RCAN2: variants seen among roughly 807,000 people sequenced by gnomAD.
RCAN2 encodes regulator of calcineurin 2, also known as calcipressin-2.
A neutral mutation model predicts 23.6 loss-of-function variants in RCAN2; 9 were observed. The observed-to-expected ratio is 0.38, with a 90% confidence interval of 0.23 to 0.67. The LOEUF is 0.67. Among genes scored for constraint, RCAN2 ranks in the 30% least tolerant of loss-of-function variants. The pLI, the probability that RCAN2 is intolerant of heterozygous loss-of-function variation, is 0.51. For synonymous variants in RCAN2, 109 were observed against 115.7 expected (o/e 0.94, Z 0.37); for missense variants, 273 against 302.3 (o/e 0.90, Z 0.72).
rs1769145409 is a variant in RCAN2 at position 46,491,376 on chromosome 6, G to A, written c.-206C>T. 6.6e-6 allele frequency: 1 copy of A among 152,186 alleles called. No individual in the cohort carries two copies. Among genetic ancestry groups the A allele is most frequent in the Admixed American group, 6.6e-5 (1 of 15,250 alleles). The allele number at this position is 152,186 out of a possible 1,614,324, so 9.4% of individuals were successfully genotyped here. The stretch of plus-strand genomic sequence containing the variant: ...CCGCCTCCCTCTCTCTGCCGCCGTG[G>A]GTCAGTGGGATTCTGCCTGCTGCCC... On this transcript the variant is annotated 5_prime_UTR_variant, in exon 1 of 5. Transcript: ENST00000371374.
At position 46,246,873 on chromosome 6, in the gene RCAN2, G is replaced by A; in HGVS notation, c.446C>T (p.Pro149Leu). Residue 149 changes from proline to leucine, a missense_variant, in exon 4 of 5, where the codon CCC becomes CTC. By Grantham distance (98) the Pro-to-Leu change is moderately conservative. Coordinates refer to ENST00000371374, the MANE Select transcript of RCAN2 (RefSeq NM_001251974.2). ...TDGDKLHLAP[P>L]QPAKQFLISP... The stretch of plus-strand genomic sequence containing the variant: ...GATGAGAAACTGTTTGGCAGGCTGG[G>A]GTGGAGCCAAGTGCAGTTTGTCTCC... The A allele has an allele frequency of 6.2e-7, 1 of 1,606,334 alleles. No individual in the cohort carries two copies. The highest frequency in any genetic ancestry group is 1.1e-5 in the South Asian group (1 of 90,146).
chr6:46,253,762 C>T (rs1357179147), intron 2 of RCAN2, among the ~76,000 whole-genome samples: 1 of 152,088 alleles, frequency 6.6e-6, no homozygotes, highest in Admixed American at 6.6e-5. Context: ...GACTGCATAT[C>T]TGACTGTGGT....
Position 46,248,799 on chromosome 6 carries a change from T to G in RCAN2, c.323A>C (p.Lys108Thr), listed in dbSNP as rs1030361933. ...RRVRINFSNP[K>T]SAARARIELH... ...CTCTATCCTAGCTCGGGCTGCAGATTTAGGATTGCTGAAGTTTATACGGAC... is the reference window on the plus strand; with the variant it reads ...CTCTATCCTAGCTCGGGCTGCAGATGTAGGATTGCTGAAGTTTATACGGAC... The change falls in exon 3 of 5, where the codon AAA (lysine) becomes ACA (threonine). Residue 108 changes from lysine (K) to threonine (T), a missense_variant. Coordinates refer to ENST00000371374, the MANE Select transcript of RCAN2 (RefSeq NM_001251974.2). The G allele has an allele frequency of 6.2e-7, 1 of 1,613,442 alleles. No homozygotes were observed. Among genetic ancestry groups the G allele is most frequent in the Non-Finnish European group, 8.5e-7 (1 of 1,179,796 alleles).
chr6:46,353,785 G>C (rs1416300822), intron 2 of RCAN2, among the ~76,000 whole-genome samples: 1 of 152,196 alleles, frequency 6.6e-6, no homozygotes, highest in Non-Finnish European at 1.5e-5. Context: ...TTTATTTACA[G>C]AGAACAGCAG....
At chr6:46,242,995 A>G (rs530265400) in intron 4 of RCAN2, among the ~76,000 whole-genome samples, 53 of 152,348 alleles carry the variant, frequency 3.5e-4, no homozygotes, top group South Asian at 1.4e-3. Context: ...AGAAGTGAAG[A>G]TAGTAAGTTG....
rs1281636671 is a variant in RCAN2 at position 46,223,186 on chromosome 6, G to A, written c.687C>T (p.Ile229=). 1 of 1,613,898 alleles carries A rather than the reference G, an allele frequency of 6.2e-7. No individual in the cohort carries two copies. The highest frequency in any genetic ancestry group is 1.3e-5 in the African/African-American group (1 of 75,018). Residue 229 remains isoleucine, a synonymous_variant, in exon 5 of 5, where the codon ATC becomes ATT. Transcript: ENST00000371374. The part of the protein sequence containing the change: ...EDPKTSPKPK[I]IQTRRPGLPP... ...GCAGGCCAGGACGCCGAGTTTGGAT[G>A]ATTTTTGGCTTTGGGGAAGTCTTTG...
At chr6:46,340,495 C>T (rs1010207786) in intron 2 of RCAN2, among the ~76,000 whole-genome samples, 1 of 152,170 alleles carries the variant, frequency 6.6e-6, no homozygotes. Context: ...CTACTTTCAG[C>T]CATAAGAACT....
At chr6:46,282,456 GAC>G (rs1333770229) in intron 2 of RCAN2, among the ~76,000 whole-genome samples, 1 of 137,568 alleles carries the variant, frequency 7.3e-6, no homozygotes, top group Non-Finnish European at 1.5e-5. Context: ...CAGCCTGGGT[GAC>G]AGAGCAAGAC....
At chr6:46,438,955 G>A (rs1313431343) in intron 2 of RCAN2, among the ~76,000 whole-genome samples, 6 of 152,062 alleles carry the variant, frequency 3.9e-5, no homozygotes, top group Admixed American at 3.9e-4. Flanking sequence ...TCTTCTCTGG[G>A]TACTTATATT....
chr6:46,340,898 T>C (rs1225588822), intron 2 of RCAN2, among the ~76,000 whole-genome samples: 2 of 152,192 alleles, frequency 1.3e-5, no homozygotes, highest in Non-Finnish European at 1.5e-5. Flanking sequence ...AACTTTTCTT[T>C]TAAAGTTAAT....
At chr6:46,287,372 T>A (rs902556784) in intron 2 of RCAN2, among the ~76,000 whole-genome samples, 2 of 152,234 alleles carry the variant, frequency 1.3e-5, no homozygotes, top group Non-Finnish European at 2.9e-5. Flanking sequence ...GACACTGTGC[T>A]GGGCACTTTG....
chr6:46,334,512 G>A (rs1415352916), intron 2 of RCAN2, among the ~76,000 whole-genome samples: 1 of 152,222 alleles, frequency 6.6e-6, no homozygotes, highest in East Asian at 1.9e-4. Context: ...CCTGAGAAGG[G>A]AGGCTGAGGT....
intron 2 of RCAN2, among the ~76,000 whole-genome samples, chr6:46,312,042 C>T (rs1763280835): frequency 6.6e-6 from 1 of 152,146 alleles, no homozygotes; most frequent in South Asian, 2.1e-4. Context: ...GGCAGAGGGG[C>T]TTATCTCCTT....
At chr6:46,268,279 A>C (rs1165721040) in intron 2 of RCAN2, among the ~76,000 whole-genome samples, 2 of 152,210 alleles carry the variant, frequency 1.3e-5, no homozygotes, top group African/African-American at 2.4e-5. Flanking sequence ...GACATAAGCC[A>C]TTATCTCATT....
At chr6:46,377,887 T>C (rs1765520858) in intron 2 of RCAN2, among the ~76,000 whole-genome samples, 1 of 152,190 alleles carries the variant, frequency 6.6e-6, no homozygotes, top group Non-Finnish European at 1.5e-5. Flanking sequence ...ATCCGCTCCA[T>C]ACCACAATTT....
chr6:46,330,205 T>C (rs1008190752), intron 2 of RCAN2, among the ~76,000 whole-genome samples: 13 of 152,108 alleles, frequency 8.5e-5, no homozygotes, highest in African/African-American at 3.1e-4. Flanking sequence ...CAGAGTGTGG[T>C]CCCCAGACCA....
intron 2 of RCAN2, chr6:46,325,774 G>T: frequency 8.8e-7 from 1 of 1,142,034 alleles, no homozygotes; most frequent in Non-Finnish European, 1.1e-6. Context: ...GCAGTGCAGT[G>T]GAGCAAATTG....
chr6:46,253,493 T>C (rs1403420504), intron 2 of RCAN2, among the ~76,000 whole-genome samples: 4 of 152,312 alleles, frequency 2.6e-5, no homozygotes, highest in African/African-American at 9.6e-5. Flanking sequence ...CAGTCAAACA[T>C]TGTATTTCTG....
intron 2 of RCAN2, among the ~76,000 whole-genome samples, chr6:46,272,997 A>T (rs1005613788): frequency 6.6e-6 from 1 of 152,096 alleles, no homozygotes; most frequent in Admixed American, 6.6e-5. Context: ...AAGGTGTCTG[A>T]TCTTTACAAA....
Sources: allele counts gnomAD v4.1 joint callset (sites outside exome capture counted in the v4.1 genomes callset), GRCh38; gene constraint gnomAD v4.1.1; transcripts MANE v1.5; gene names NCBI Gene and HGNC (gene_info 2026-07-23, HGNC 2026-07-21).